Variants in GRIK2 observed in about 807,000 individuals in gnomAD.
GRIK2 encodes glutamate ionotropic receptor kainate type subunit 2.
GRIK2 carries 32 observed loss-of-function variants against 100.3 expected under a neutral mutation model. The ratio of observed to expected loss-of-function variants is 0.32; its 90% CI spans 0.24 to 0.43. The LOEUF (loss-of-function observed/expected upper bound fraction) is 0.43, where lower values mean the gene tolerates loss of function less well. Ranked by LOEUF, GRIK2 falls within the 20% of genes least tolerant of loss-of-function variation. The pLI, the probability that GRIK2 is intolerant of heterozygous loss-of-function variation, is 1.00. For missense variants in GRIK2, 843 were observed against 1,114.9 expected (o/e 0.76, Z 3.47); for synonymous variants, 417 against 389.4 (o/e 1.07, Z -0.83).
chr6:101,944,321 C>G (rs1449545152), intron 14 of GRIK2, among the ~76,000 whole-genome samples: 1 of 152,140 alleles, frequency 6.6e-6, no homozygotes, highest in Admixed American at 6.6e-5. Context: ...TTTAGCTTTA[C>G]TATATGACAC....
intron 14 of GRIK2, among the ~76,000 whole-genome samples, chr6:101,929,602 T>C (rs1178361372): frequency 6.6e-6 from 1 of 152,110 alleles, no homozygotes; most frequent in African/African-American, 2.4e-5. Flanking sequence ...ATCGAGGAGA[T>C]TATGGTTTAG....
intron 7 of GRIK2, among the ~76,000 whole-genome samples, chr6:101,711,301 A>G (rs911509422): frequency 6.6e-6 from 1 of 151,796 alleles, no homozygotes; most frequent in African/African-American, 2.4e-5. Flanking sequence ...ATATGTTGCC[A>G]AATATATAGA....
chr6:101,775,162 T>G (rs545593947), intron 7 of GRIK2, among the ~76,000 whole-genome samples: 1 of 152,274 alleles, frequency 6.6e-6, no homozygotes, highest in East Asian at 1.9e-4. Flanking sequence ...GTCAGCCACA[T>G]TTTAGGCTGT....
intron 14 of GRIK2, among the ~76,000 whole-genome samples, chr6:101,963,509 C>CTTTTTTTTTTTTTTTTTTTTTTTTCTTTT (rs770178884): frequency 9.4e-6 from 1 of 106,108 alleles, no homozygotes; most frequent in Non-Finnish European, 1.8e-5. Context: ...TTCTTTCTTT[C>CTTTTTTTTTTTTTTTTTTTTTTTTCTTTT]TTTTTTTTTT....
At chr6:101,698,035 A>C (rs1369563521) in intron 7 of GRIK2, among the ~76,000 whole-genome samples, 5 of 152,140 alleles carry the variant, frequency 3.3e-5, no homozygotes, top group Non-Finnish European at 7.4e-5. Flanking sequence ...GCGACAACTG[A>C]ATAAGAATGC....
chr6:101,505,479 G>A (rs762987307), intron 2 of GRIK2, among the ~76,000 whole-genome samples: 14 of 152,012 alleles, frequency 9.2e-5, no homozygotes, highest in Non-Finnish European at 1.5e-4. Flanking sequence ...ATTAGCAATG[G>A]CACTAAACTA....
chr6:101,452,810 A>C (rs1770784560), intron 2 of GRIK2, among the ~76,000 whole-genome samples: 1 of 152,038 alleles, frequency 6.6e-6, no homozygotes, highest in Non-Finnish European at 1.5e-5. Context: ...AAAATGGGTT[A>C]AGGGAGTAGT....
At position 101,884,675 on chromosome 6, in the gene GRIK2, T is replaced by C. The variant is rs958444978; in HGVS notation, c.1525-4965T>C. On this transcript the variant is annotated intron_variant, in intron 11 of 16. Transcript: ENST00000369134. ...TGTTCTATCTAGATGGTTAGTTCAA[T>C]TGAAATTATATTATTGTACAAATAA... Among the ~76,000 whole-genome samples, 8 of 152,188 alleles carry C rather than the reference T, an allele frequency of 5.3e-5. No homozygotes were observed. In the East Asian group the frequency reaches 5.8e-4, roughly 11 times the overall value.
intron 7 of GRIK2, among the ~76,000 whole-genome samples, chr6:101,771,832 C>T (rs1778427445): frequency 1.3e-5 from 2 of 151,858 alleles, no homozygotes; most frequent in South Asian, 4.2e-4. Flanking sequence ...TGGTTTCCAG[C>T]TTCATCCATG....
chr6:101,716,840 G>C (rs192707433), intron 7 of GRIK2, among the ~76,000 whole-genome samples: 2 of 151,838 alleles, frequency 1.3e-5, no homozygotes, highest in East Asian at 3.9e-4. Context: ...CTAAAAACCT[G>C]AGATTCCAAA....
chr6:101,898,452 G>A (rs1787621418), intron 12 of GRIK2, among the ~76,000 whole-genome samples: 1 of 151,154 alleles, frequency 6.6e-6, no homozygotes, highest in African/African-American at 2.4e-5. Flanking sequence ...GTAGTATACG[G>A]TTTTACAGTA....
intron 12 of GRIK2, among the ~76,000 whole-genome samples, chr6:101,922,699 G>A (rs1270300035): frequency 6.6e-6 from 1 of 152,128 alleles, no homozygotes; most frequent in African/African-American, 2.4e-5. Flanking sequence ...GGGAACTAAT[G>A]GCATATGGCT....
chr6:101,633,935 A>G (rs1351766341), intron 4 of GRIK2, among the ~76,000 whole-genome samples: 3 of 152,140 alleles, frequency 2.0e-5, no homozygotes, highest in Non-Finnish European at 4.4e-5. Flanking sequence ...CAACTTTAGA[A>G]TCTACTCTGT....
At chr6:101,455,041 A>G (rs532558509) in intron 2 of GRIK2, among the ~76,000 whole-genome samples, 1 of 152,188 alleles carries the variant, frequency 6.6e-6, no homozygotes, top group Admixed American at 6.6e-5. Context: ...TAATTTATAA[A>G]ATCTTCTACA....
chr6:101,985,069 C>A (rs1021937125), intron 14 of GRIK2, among the ~76,000 whole-genome samples: 4 of 151,544 alleles, frequency 2.6e-5, no homozygotes, highest in African/African-American at 9.7e-5. Context: ...ACATAACTAA[C>A]CTCGGTTAAT....
intron 2 of GRIK2, among the ~76,000 whole-genome samples, chr6:101,473,004 C>T (rs1772029822): frequency 6.6e-6 from 1 of 151,580 alleles, no homozygotes; most frequent in South Asian, 2.1e-4. Context: ...GAAATTCTCT[C>T]ATTTCTGTAT....
At chr6:101,839,948 C>A (rs1386886262) in intron 10 of GRIK2, among the ~76,000 whole-genome samples, 3 of 151,766 alleles carry the variant, frequency 2.0e-5, no homozygotes, top group Admixed American at 6.6e-5. Flanking sequence ...TATGTAATTC[C>A]AGAGCTCAAG....
chr6:101,527,407 G>A (rs1562202369), intron 2 of GRIK2, among the ~76,000 whole-genome samples: 1 of 152,088 alleles, frequency 6.6e-6, no homozygotes, highest in Admixed American at 6.5e-5. Flanking sequence ...GGAGGTTTCA[G>A]GATCCCCCAA....
intron 7 of GRIK2, among the ~76,000 whole-genome samples, chr6:101,722,087 A>G (rs1384608148): frequency 6.6e-6 from 1 of 152,014 alleles, no homozygotes; most frequent in African/African-American, 2.4e-5. Flanking sequence ...AGTAGTGAGA[A>G]CTACATATGG....
Sources: allele counts gnomAD v4.1 joint callset (sites outside exome capture counted in the v4.1 genomes callset), GRCh38; gene constraint gnomAD v4.1.1; transcripts MANE v1.5; gene names NCBI Gene and HGNC (gene_info 2026-07-23, HGNC 2026-07-21).